DGCR2: variants seen among roughly 807,000 people sequenced by gnomAD.
DGCR2 encodes the protein integral membrane protein DGCR2/IDD.
Under a neutral mutation model 51.6 loss-of-function variants are expected in DGCR2, and 24 were observed. The observed-to-expected ratio is 0.47, with a 90% CI of 0.34 to 0.65. DGCR2 has a LOEUF of 0.65. Among genes scored for constraint, DGCR2 ranks in the 30% least tolerant of loss-of-function variants. The pLI, the probability that DGCR2 is intolerant of heterozygous loss-of-function variation, is 0.01. For missense variants in DGCR2, 765 were observed against 772.1 expected (o/e 0.99, Z 0.11); for synonymous variants, 340 against 315.4 (o/e 1.08, Z -0.82).
At chr22:19,078,646 C>G (rs1333659010) in intron 2 of DGCR2, among the ~76,000 whole-genome samples, 1 of 152,136 alleles carries the variant, frequency 6.6e-6, no homozygotes, top group Non-Finnish European at 1.5e-5. Context: ...TGTCTCTGAT[C>G]TTAGAGGAAA....
At chr22:19,118,026 A>G (rs1017177830) in intron 1 of DGCR2, among the ~76,000 whole-genome samples, 7 of 151,944 alleles carry the variant, frequency 4.6e-5, no homozygotes, top group African/African-American at 1.7e-4. Context: ...GAAAATATGC[A>G]CTCTCTCCCT....
chr22:19,087,383 A>C (rs1183135165), intron 2 of DGCR2, among the ~76,000 whole-genome samples: 5 of 152,158 alleles, frequency 3.3e-5, no homozygotes, highest in African/African-American at 9.7e-5. Context: ...GGCCCCCTCT[A>C]AACAGCATTC....
At chr22:19,080,360 A>G (rs2082922397) in intron 2 of DGCR2, among the ~76,000 whole-genome samples, 1 of 152,242 alleles carries the variant, frequency 6.6e-6, no homozygotes, top group South Asian at 2.1e-4. Context: ...TATCTAACCC[A>G]ATATATTCAA....
chr22:19,053,151 C>T (rs1220217579), intron 6 of DGCR2, among the ~76,000 whole-genome samples: 2 of 152,208 alleles, frequency 1.3e-5, no homozygotes, highest in South Asian at 4.1e-4. Flanking sequence ...GCCTTTAGGG[C>T]CCTGGTGAAA....
chr22:19,074,453 CA>C (rs1363357715), intron 2 of DGCR2, among the ~76,000 whole-genome samples: 1 of 148,408 alleles, frequency 6.7e-6, no homozygotes, highest in African/African-American at 2.5e-5. Context: ...GTTGTGCCAA[CA>C]AAAAGGAAAC....
chr22:19,036,604 C>G lies in DGCR2; in HGVS notation c.*2261G>C, dbSNP rs925673107. The G allele has an allele frequency of 6.6e-6, 1 of 152,256 alleles. No homozygotes were observed. Among genetic ancestry groups the G allele is most frequent in the South Asian group, 2.1e-4 (1 of 4,830 alleles). The allele number at this position is 152,256 out of a possible 1,614,324, so 9.4% of individuals were successfully genotyped here. On this transcript the variant is annotated 3_prime_UTR_variant, in exon 10 of 10. Coordinates refer to ENST00000263196, the MANE Select transcript of DGCR2 (RefSeq NM_005137.3). ...AAAGGGGGCATTCTGGATGGTGGTG[C>G]AAGAACAGATGAGCGAGTCCAGCTC...
At chr22:19,110,334 T>C (rs529777021) in intron 1 of DGCR2, among the ~76,000 whole-genome samples, 1 of 152,198 alleles carries the variant, frequency 6.6e-6, no homozygotes, top group South Asian at 2.1e-4. Context: ...TGCGGGGAAG[T>C]GTCAGCTTCC....
intron 1 of DGCR2, among the ~76,000 whole-genome samples, chr22:19,120,981 C>T (rs1170329916): frequency 2.0e-5 from 3 of 152,192 alleles, no homozygotes; most frequent in Admixed American, 6.5e-5. Flanking sequence ...GGTTGAGCAC[C>T]GGTCAGGGCC....
At chr22:19,115,893 C>T (rs1408778520) in intron 1 of DGCR2, among the ~76,000 whole-genome samples, 1 of 152,242 alleles carries the variant, frequency 6.6e-6, no homozygotes, top group Non-Finnish European at 1.5e-5. Context: ...CACAAACCAC[C>T]TCACATTTCA....
chr22:19,043,168 G>A (rs768323814), intron 7 of DGCR2, among the ~76,000 whole-genome samples: 12 of 152,256 alleles, frequency 7.9e-5, no homozygotes, highest in East Asian at 3.8e-4. Context: ...AAGCTGCTGC[G>A]CCTTCCTCTG....
At chr22:19,063,142 G>T in intron 5 of DGCR2, 60 bp downstream of exon 5, 5 of 1,491,170 alleles carry the variant, frequency 3.4e-6, no homozygotes, top group South Asian at 1.1e-5. Context: ...AGGAGGGGAG[G>T]CCCCGAATCA....
intron 1 of DGCR2, among the ~76,000 whole-genome samples, chr22:19,096,632 G>A (rs9618476): frequency 0.82 from 124,669 of 151,566 alleles, 51,412 homozygotes; most frequent in Middle Eastern, 0.88. Flanking sequence ...GCAGGAAAAA[G>A]GAAAAAAAAA....
At chr22:19,045,850 C>T (rs1370515669) in intron 7 of DGCR2, among the ~76,000 whole-genome samples, 1 of 152,178 alleles carries the variant, frequency 6.6e-6, no homozygotes, top group African/African-American at 2.4e-5. Flanking sequence ...CCTCAGCCTC[C>T]TGAGTAGCTG....
At chr22:19,088,833 G>GC (rs2083046172) in intron 2 of DGCR2, among the ~76,000 whole-genome samples, 1 of 152,194 alleles carries the variant, frequency 6.6e-6, no homozygotes, top group African/African-American at 2.4e-5. Context: ...CAGAAACCAG[G>GC]TGAAGAACCT....
intron 2 of DGCR2, among the ~76,000 whole-genome samples, chr22:19,080,559 G>A (rs1038139347): frequency 2.6e-5 from 4 of 152,094 alleles, no homozygotes; most frequent in South Asian, 2.1e-4. Context: ...CAACTCCTGC[G>A]GGGCACAGTG....
Position 19,081,873 on chromosome 22 carries a change from A to C in DGCR2, c.202+7495T>G, listed in dbSNP as rs192895959. ...GTATCTCACTGTATGTAGTCTTAGA[A>C]TACTAACGAGGTTAAATTTAAATGT... is the stretch of plus-strand genomic sequence containing the variant. On this transcript the variant is annotated intron_variant, in intron 2 of 9. Coordinates refer to ENST00000263196, the MANE Select transcript of DGCR2 (RefSeq NM_005137.3). Among the ~76,000 whole-genome samples the C allele has an allele frequency of 2.5e-3, 381 of 152,330 alleles. 1 individual carries two copies. In the Middle Eastern group the frequency reaches 0.034, roughly 14 times the overall value.
chr22:19,120,940 G>A (rs952083655), intron 1 of DGCR2, among the ~76,000 whole-genome samples: 19 of 152,216 alleles, frequency 1.2e-4, no homozygotes, highest in Non-Finnish European at 4.4e-5. Flanking sequence ...TCTACATGGG[G>A]AGACCAGAGA....
chr22:19,108,130 T>G (rs2083277548), intron 1 of DGCR2, among the ~76,000 whole-genome samples: 1 of 152,122 alleles, frequency 6.6e-6, no homozygotes, highest in Non-Finnish European at 1.5e-5. Flanking sequence ...GAAGCTCAGA[T>G]TTTACTAGGG....
At chr22:19,092,762 CCTGTACACTGAAAAATTTTCAA>C (rs1404786162) in intron 1 of DGCR2, among the ~76,000 whole-genome samples, 2 of 152,052 alleles carry the variant, frequency 1.3e-5, no homozygotes, top group Non-Finnish European at 2.9e-5. Context: ...GATGTGAAGT[CCTGTACACTGAAAAATTTTCAA>C]CATTGCTGAG....
Sources: gnomAD v4.1 joint callset for allele counts (sites outside exome capture counted in the v4.1 genomes callset) on GRCh38, gnomAD v4.1.1 for gene constraint, MANE v1.5 for transcripts, NCBI Gene and HGNC (gene_info 2026-07-23, HGNC 2026-07-21) for gene names.